The following GALNT13 variants were observed in gnomAD, a reference collection of about 807,000 sequenced individuals.
GALNT13 encodes the protein polypeptide N-acetylgalactosaminyltransferase 13, also known as UDP-GalNAc:polypeptide N-acetylgalactosaminyltransferase 13.
In GALNT13, 28 loss-of-function variants were observed where a neutral mutation model predicts 64.2. That is an observed-to-expected ratio of 0.44 (90% CI 0.32 to 0.60). The LOEUF (loss-of-function observed/expected upper bound fraction) is 0.60, where lower values mean the gene tolerates loss of function less well. Ranked by LOEUF, GALNT13 falls within the 20% of genes least tolerant of loss-of-function variation. The pLI is 0.05. For missense variants in GALNT13, 577 were observed against 669.8 expected (o/e 0.86, Z 1.53); for synonymous variants, 214 against 224.6 (o/e 0.95, Z 0.42).
At chr2:154,380,028 C>A (rs572285019) in intron 9 of GALNT13, among the ~76,000 whole-genome samples, 1 of 151,734 alleles carries the variant, frequency 6.6e-6, no homozygotes, top group African/African-American at 2.4e-5. Context: ...TCTAAAAATT[C>A]AAAAAGTGGA....
chr2:153,209,091 C>A, the GALNT13 span, among the ~76,000 whole-genome samples: 3 of 150,068 alleles, frequency 2.0e-5, no homozygotes, highest in African/African-American at 7.4e-5. Context: ...CATTCTCCTG[C>A]CTCAGCCTCC....
At chr2:153,834,564 A>C in the GALNT13 span, among the ~76,000 whole-genome samples, 2 of 152,148 alleles carry the variant, frequency 1.3e-5, no homozygotes, top group African/African-American at 4.8e-5. Flanking sequence ...AAAAATTAGG[A>C]TATTTTGGTA....
chr2:153,652,392 G>T, the GALNT13 span, among the ~76,000 whole-genome samples: 1 of 152,058 alleles, frequency 6.6e-6, no homozygotes, highest in Non-Finnish European at 1.5e-5. Context: ...AGACTGAGGC[G>T]GGAGGATCAC....
chr2:154,446,123 T>G (rs1701559999), intron 12 of GALNT13, among the ~76,000 whole-genome samples: 1 of 152,000 alleles, frequency 6.6e-6, no homozygotes, highest in Non-Finnish European at 1.5e-5. Flanking sequence ...GCCTTAAAGC[T>G]AAATTATCCT....
the GALNT13 span, among the ~76,000 whole-genome samples, chr2:153,456,334 T>C: frequency 6.6e-6 from 1 of 152,192 alleles, no homozygotes; most frequent in African/African-American, 2.4e-5. Flanking sequence ...CTGGTCCCTT[T>C]CCTAGAGTCT....
chr2:154,002,980 G>A (rs1055565973), intron 3 of GALNT13, among the ~76,000 whole-genome samples: 1 of 152,044 alleles, frequency 6.6e-6, no homozygotes, highest in African/African-American at 2.4e-5. Context: ...AATTTAATTG[G>A]TAACCTTTTA....
At chr2:153,825,447 A>G in the GALNT13 span, among the ~76,000 whole-genome samples, 1 of 152,220 alleles carries the variant, frequency 6.6e-6, no homozygotes, top group Admixed American at 6.5e-5. Context: ...ACGACAAGCC[A>G]CTATCTTAGA....
intron 3 of GALNT13, among the ~76,000 whole-genome samples, chr2:154,089,765 G>T (rs1199742982): frequency 6.7e-6 from 1 of 149,206 alleles, no homozygotes; most frequent in Admixed American, 6.7e-5. Context: ...TAAAATAAAT[G>T]TTTCTTCCTT....
chr2:153,763,410 G>A, the GALNT13 span, among the ~76,000 whole-genome samples: 89 of 152,226 alleles, frequency 5.8e-4, no homozygotes, highest in African/African-American at 2.0e-3. Flanking sequence ...GGGCCAGGTG[G>A]AGATAATTGA....
At chr2:154,326,076 G>A (rs772206496) in intron 9 of GALNT13, among the ~76,000 whole-genome samples, 4 of 152,032 alleles carry the variant, frequency 2.6e-5, no homozygotes, top group Non-Finnish European at 4.4e-5. Flanking sequence ...ACAGTCTAAG[G>A]CCCCATTCCA....
At chr2:153,726,808 C>T in the GALNT13 span, among the ~76,000 whole-genome samples, 5 of 151,762 alleles carry the variant, frequency 3.3e-5, no homozygotes, top group Admixed American at 6.6e-5. Flanking sequence ...GGTGTGGTGG[C>T]GGGCACCTGT....
At chr2:153,678,297 A>T in the GALNT13 span, among the ~76,000 whole-genome samples, 7 of 151,858 alleles carry the variant, frequency 4.6e-5, no homozygotes, top group Non-Finnish European at 1.0e-4. Flanking sequence ...ATCAGTGGAA[A>T]AGTAGATAAA....
At chr2:153,179,679 C>T in the GALNT13 span, among the ~76,000 whole-genome samples, 1 of 151,996 alleles carries the variant, frequency 6.6e-6, no homozygotes, top group African/African-American at 2.4e-5. Flanking sequence ...TTTTCCATAC[C>T]ATGAACACGA....
At chr2:153,175,740 G>A in the GALNT13 span, among the ~76,000 whole-genome samples, 1 of 152,120 alleles carries the variant, frequency 6.6e-6, no homozygotes, top group Non-Finnish European at 1.5e-5. Context: ...ATTTTTAAAT[G>A]TAAGGGAGAG....
chr2:153,276,470 G>T, the GALNT13 span, among the ~76,000 whole-genome samples: 1 of 152,020 alleles, frequency 6.6e-6, no homozygotes, highest in East Asian at 1.9e-4. Context: ...ATGTTTTCTA[G>T]ATGAATAGCC....
At chr2:154,420,627 A>G (rs2042466) in intron 11 of GALNT13, among the ~76,000 whole-genome samples, 8,013 of 152,178 alleles carry the variant, frequency 0.053, 265 homozygotes, top group Middle Eastern at 0.078. Flanking sequence ...AAGAATATTA[A>G]GGTCTTTCGA....
At chr2:153,591,977 A>T in the GALNT13 span, among the ~76,000 whole-genome samples, 2 of 152,086 alleles carry the variant, frequency 1.3e-5, no homozygotes, top group African/African-American at 4.8e-5. Context: ...AAACAACTCA[A>T]TAACAACAAA....
chr2:154,300,468 T>A (rs930219145), intron 8 of GALNT13, among the ~76,000 whole-genome samples: 6 of 152,148 alleles, frequency 3.9e-5, no homozygotes, highest in Admixed American at 6.5e-5. Flanking sequence ...ATGTATCAAA[T>A]GAAAACAATG....
At chr2:154,263,095 T>A (rs1690791163) in intron 8 of GALNT13, among the ~76,000 whole-genome samples, 2 of 151,948 alleles carry the variant, frequency 1.3e-5, no homozygotes, top group South Asian at 4.2e-4. Context: ...ACTCAGAGCA[T>A]GGGAAAAAAT....
Sources: gnomAD v4.1 joint callset for allele counts (sites outside exome capture counted in the v4.1 genomes callset) on GRCh38, gnomAD v4.1.1 for gene constraint, MANE v1.5 for transcripts, NCBI Gene and HGNC (gene_info 2026-07-23, HGNC 2026-07-21) for gene names.